TMCC2: variants seen among roughly 807,000 people sequenced by gnomAD.
The protein encoded by TMCC2 is transmembrane and coiled-coil domains protein 2.
TMCC2 carries 16 observed loss-of-function variants against 49.4 expected under a neutral mutation model. That is an observed-to-expected ratio of 0.32 (90% CI 0.22 to 0.49). The LOEUF is 0.49. Ranked by LOEUF, TMCC2 falls within the 20% of genes least tolerant of loss-of-function variation. The probability of loss-of-function intolerance (pLI) is 0.99; values close to 1 mark genes in which losing one functional copy is unlikely to be tolerated. For synonymous variants in TMCC2, 397 were observed against 434.1 expected (o/e 0.91, Z 1.06); for missense variants, 762 against 989.8 (o/e 0.77, Z 3.09).
At chr1:205,259,291 T>C (rs372550187) in intron 2 of TMCC2, among the ~76,000 whole-genome samples, 1 of 107,220 alleles carries the variant, frequency 9.3e-6, no homozygotes, top group Admixed American at 9.2e-5. Flanking sequence ...GTCAGCCTGC[T>C]GTGGGGACCC....
intron 2 of TMCC2, among the ~76,000 whole-genome samples, chr1:205,247,933 G>A (rs1268471281): frequency 6.6e-6 from 1 of 152,086 alleles, no homozygotes; most frequent in Non-Finnish European, 1.5e-5. Context: ...AAGAAAGTAG[G>A]AGACCTCAAG....
At chr1:205,235,671 G>T (rs4951178) in intron 1 of TMCC2, among the ~76,000 whole-genome samples, 3,703 of 152,270 alleles carry the variant, frequency 0.024, 62 homozygotes, top group East Asian at 0.067. Context: ...GCCATAGCTG[G>T]ACAGGGTCCA....
intron 1 of TMCC2, among the ~76,000 whole-genome samples, chr1:205,238,473 G>C (rs982074292): frequency 6.6e-6 from 1 of 151,994 alleles, no homozygotes; most frequent in Non-Finnish European, 1.5e-5. Context: ...TAGATTCCTC[G>C]GTCTGCTGGG....
At chr1:205,246,813 G>C (rs1660471323) in intron 2 of TMCC2, 2 of 1,064,974 alleles carry the variant, frequency 1.9e-6, no homozygotes, top group South Asian at 3.0e-5. Context: ...GTTGCCTAGG[G>C]CTCCCATGAA....
At chr1:205,237,945 C>T (rs569227210) in intron 1 of TMCC2, among the ~76,000 whole-genome samples, 12 of 152,166 alleles carry the variant, frequency 7.9e-5, no homozygotes, top group African/African-American at 1.4e-4. Flanking sequence ...GTTCTGGGGA[C>T]GGCACTTCTT....
At chr1:205,270,496 C>T (rs1274819766) in intron 3 of TMCC2, among the ~76,000 whole-genome samples, 1 of 152,232 alleles carries the variant, frequency 6.6e-6, no homozygotes, top group African/African-American at 2.4e-5. Context: ...GCCCTTGGCT[C>T]TGTGCCTCTG....
chr1:205,263,938 C>T (rs980609654), intron 2 of TMCC2, among the ~76,000 whole-genome samples: 1 of 152,182 alleles, frequency 6.6e-6, no homozygotes, highest in African/African-American at 2.4e-5. Flanking sequence ...GATTTATATT[C>T]TAGGTTCTTT....
intron 2 of TMCC2, among the ~76,000 whole-genome samples, chr1:205,247,068 G>A (rs1050574733): frequency 1.3e-5 from 2 of 152,174 alleles, no homozygotes; most frequent in Non-Finnish European, 2.9e-5. Context: ...ATGAGGGGAC[G>A]GTTCCCTGGG....
At chr1:205,268,054 C>T (rs2102610895) in intron 2 of TMCC2, 4 of 985,324 alleles carry the variant, frequency 4.1e-6, no homozygotes, top group East Asian at 1.1e-4. Flanking sequence ...TCTGGAGAGC[C>T]GTAAGGTAAT....
intron 1 of TMCC2, among the ~76,000 whole-genome samples, chr1:205,232,994 GA>G (rs36013713): frequency 0.82 from 86,063 of 105,252 alleles, 34,704 homozygotes; most frequent in East Asian, 0.95. Context: ...AACAACAACC[GA>G]AAAAAAAAAA....
At chr1:205,237,508 A>G (rs546962823) in intron 1 of TMCC2, among the ~76,000 whole-genome samples, 14 of 152,342 alleles carry the variant, frequency 9.2e-5, no homozygotes, top group African/African-American at 3.1e-4. Flanking sequence ...ATAATTAGCT[A>G]TAGATTAGTG....
chr1:205,268,852 C>A (rs1486642235), intron 2 of TMCC2, 98 bp from the exon 3 acceptor site: 11 of 1,181,178 alleles, frequency 9.3e-6, no homozygotes, highest in Non-Finnish European at 1.3e-5. Context: ...ACTCCTGCAT[C>A]CATTTTCTAG....
At chr1:205,263,333 G>A (rs1661192973) in intron 2 of TMCC2, among the ~76,000 whole-genome samples, 1 of 152,058 alleles carries the variant, frequency 6.6e-6, no homozygotes. Flanking sequence ...CTCAGATATG[G>A]AGAAGGCAGG....
At chr1:205,257,026 A>T (rs897737085) in intron 2 of TMCC2, among the ~76,000 whole-genome samples, 1 of 148,412 alleles carries the variant, frequency 6.7e-6, no homozygotes, top group Non-Finnish European at 1.5e-5. Context: ...TATGCACACA[A>T]CTCACAGTGG....
intron 2 of TMCC2, among the ~76,000 whole-genome samples, chr1:205,245,079 G>A (rs1660406331): frequency 6.6e-6 from 1 of 152,148 alleles, no homozygotes; most frequent in Admixed American, 6.5e-5. Flanking sequence ...TTGGACAGTG[G>A]TCAGGAAGGA....
chr1:205,262,147 C>T (rs1661142104), intron 2 of TMCC2, among the ~76,000 whole-genome samples: 1 of 152,154 alleles, frequency 6.6e-6, no homozygotes, highest in South Asian at 2.1e-4. Flanking sequence ...CTGGGGAAGG[C>T]AGGGCATGGA....
At chr1:205,254,471 TTTGG>T in intron 2 of TMCC2, among the ~76,000 whole-genome samples, 1 of 152,128 alleles carries the variant, frequency 6.6e-6, no homozygotes, top group Non-Finnish European at 1.5e-5. Flanking sequence ...CCTTGGCAGA[TTTGG>T]GAACACGTCT....
In TMCC2 at chr1:205,243,634, G is replaced by T. The variant is rs1368317422; in HGVS notation, c.747+1590G>T. ...ATGGGCTTAGTGGCTTTAAAAATGG[G>T]GGAATTCTCTAGTTGAGGAATCACA... On this transcript the variant is annotated intron_variant, in intron 2 of 4. Transcript: ENST00000358024. Among the ~76,000 whole-genome samples the T allele has an allele frequency of 3.9e-5, 6 of 152,292 alleles. No homozygotes were observed. The East Asian group carries it at 1.2e-3, about 29-fold the overall frequency.
In TMCC2 at chr1:205,241,674, C is replaced by T; in HGVS notation, c.377C>T (p.Ser126Phe). The T allele has an allele frequency of 6.2e-7, 1 of 1,613,780 alleles. No individual in the cohort carries two copies. The highest frequency in any genetic ancestry group is 8.5e-7 in the Non-Finnish European group (1 of 1,179,998). The change falls in exon 2 of 5, where the codon TCT becomes TTT. Residue 126 changes from serine to phenylalanine, a missense_variant. By Grantham distance (155) the Ser-to-Phe change is radical. Transcript: ENST00000358024. The surrounding 1 kb of genome is among the most constrained non-coding windows in gnomAD (Gnocchi z 7.3). ...GACTCCCCAGATGAGAAGGAGCGCT[C>T]TCCGGAGATGCATCGCGTCTCCTAC... ...DHDSPDEKER[S>F]PEMHRVSYAM...
Sources: gnomAD v4.1 joint callset for allele counts (sites outside exome capture counted in the v4.1 genomes callset) on GRCh38, gnomAD v4.1.1 for gene constraint, Gnocchi (gnomAD v3.1) non-coding constraint, MANE v1.5 for transcripts, NCBI Gene and HGNC (gene_info 2026-07-23, HGNC 2026-07-21) for gene names.